PCDHA6: variants seen among roughly 807,000 people sequenced by gnomAD.
PCDHA6 encodes the protein protocadherin alpha-6.
PCDHA6 carries 55 observed loss-of-function variants against 60.3 expected under a neutral mutation model. That is an observed-to-expected ratio of 0.91 (90% confidence interval 0.73 to 1.14). The LOEUF (loss-of-function observed/expected upper bound fraction) is 1.14. PCDHA6 is among the 50% of genes most tolerant of loss of function. The probability of loss-of-function intolerance (pLI) is 0.00; values close to 1 mark genes in which losing one functional copy is unlikely to be tolerated. For missense variants in PCDHA6, 1,327 were observed against 1,256.5 expected (o/e 1.06, Z -0.85); for synonymous variants, 652 against 557.9 (o/e 1.17, Z -2.38).
chr5:140,852,974 G>T (rs1554146261), intron 1 of PCDHA6: 2 of 368,228 alleles, frequency 5.4e-6, no homozygotes, highest in East Asian at 1.6e-4. Context: ...CCCCTCCCGT[G>T]TTCACGCCAT....
At chr5:140,850,719 T>C in intron 1 of PCDHA6, 1 of 1,597,696 alleles carries the variant, frequency 6.3e-7, no homozygotes, top group Non-Finnish European at 8.6e-7. Flanking sequence ...GCTGGTGTGT[T>C]CTAGCGCGGT....
intron 1 of PCDHA6, chr5:140,876,810 C>T (rs782009058): frequency 1.9e-6 from 3 of 1,614,154 alleles, no homozygotes; most frequent in East Asian, 2.2e-5. Flanking sequence ...TGGAGGTGGC[C>T]GACGTGAACG....
chr5:140,877,419 G>A (rs1554169722), intron 1 of PCDHA6: 1 of 1,613,922 alleles, frequency 6.2e-7, no homozygotes, highest in Non-Finnish European at 8.5e-7. Context: ...GCCTGCTGGT[G>A]CTGGTGAAGG....
chr5:140,968,744 G>A (rs782484391), intron 1 of PCDHA6: 20 of 1,614,164 alleles, frequency 1.2e-5, no homozygotes, highest in East Asian at 2.2e-5. Context: ...CAACCTGACC[G>A]TGGTGGTCCG....
chr5:140,943,696 A>G (rs2093549628), intron 1 of PCDHA6, among the ~76,000 whole-genome samples: 1 of 152,256 alleles, frequency 6.6e-6, no homozygotes, highest in South Asian at 2.1e-4. Context: ...AGGTCAAAAT[A>G]TTGTGGAACA....
intron 1 of PCDHA6, chr5:140,863,686 T>G (rs1386583317): frequency 3.4e-6 from 1 of 295,212 alleles, no homozygotes; most frequent in Non-Finnish European, 6.6e-6. Flanking sequence ...CTTTTTCTTT[T>G]GAGATGCTTT....
At position 140,870,724 on chromosome 5, in the gene PCDHA6, G is replaced by T. The variant is rs140203389; in HGVS notation, c.2394+40239G>T. 8.1e-4 allele frequency: 1,312 copies of T among 1,613,160 alleles called. 10 individuals carry two copies. In the African/African-American group the frequency reaches 0.014, roughly 18 times the overall value. On this transcript the variant is annotated intron_variant, in intron 1 of 3. Coordinates refer to ENST00000529310, the MANE Select transcript of PCDHA6 (RefSeq NM_018909.4). ...CCAGGTGAGCGCGCGCGATGCGGGC[G>T]TGCCGCCTCTGAGCAGCAACGTGAC...
intron 1 of PCDHA6, among the ~76,000 whole-genome samples, chr5:140,934,122 TATTA>T (rs2153618298): frequency 6.6e-6 from 1 of 152,300 alleles, no homozygotes; most frequent in East Asian, 1.9e-4. Flanking sequence ...TTTCATACTT[TATTA>T]ATTTATTTCC....
At chr5:140,872,652 T>C (rs1185435042) in intron 1 of PCDHA6, among the ~76,000 whole-genome samples, 2 of 152,142 alleles carry the variant, frequency 1.3e-5, no homozygotes, top group Non-Finnish European at 2.9e-5. Context: ...AGGCAAGAGA[T>C]TTGTCAACTA....
intron 3 of PCDHA6, among the ~76,000 whole-genome samples, chr5:140,998,792 G>A (rs747824792): frequency 6.6e-6 from 1 of 152,156 alleles, no homozygotes; most frequent in Non-Finnish European, 1.5e-5. Flanking sequence ...TGGAACCCCT[G>A]ACCTCAGGTG....
chr5:140,843,274 G>A, intron 1 of PCDHA6: 6 of 1,596,094 alleles, frequency 3.8e-6, no homozygotes, highest in Non-Finnish European at 5.1e-6. Flanking sequence ...TGGTCCTGGT[G>A]AAGGATCATG....
chr5:140,947,778 G>A (rs2094175732), intron 1 of PCDHA6, among the ~76,000 whole-genome samples: 2 of 151,456 alleles, frequency 1.3e-5, no homozygotes, highest in South Asian at 4.1e-4. Context: ...TATTGTAAAT[G>A]GATTTTAAAC....
In PCDHA6 at chr5:140,993,233, G is replaced by A. The variant is rs143093605; in HGVS notation, c.2542+10670G>A. ...TTTAGCTTTTTGGTATGTTCTCTCT[G>A]AATCTGGGGATTTAGATATATAAAT... On this transcript the variant is annotated intron_variant, in intron 3 of 3. Coordinates refer to ENST00000529310, the MANE Select transcript of PCDHA6 (RefSeq NM_018909.4). Among the ~76,000 whole-genome samples the A allele has an allele frequency of 2.0e-5, 3 of 152,224 alleles. No individual in the cohort carries two copies. The East Asian group carries it at 5.8e-4, about 29-fold the overall frequency.
intron 1 of PCDHA6, chr5:140,869,142 A>G: frequency 6.2e-7 from 1 of 1,613,402 alleles, no homozygotes; most frequent in Non-Finnish European, 8.5e-7. Context: ...GCACCCCACG[A>G]CTACAGCTCT....
chr5:140,836,375 C>G lies in PCDHA6; in HGVS notation c.2394+5890C>G, dbSNP rs2150258961. 15 of 1,613,594 alleles carry G rather than the reference C, an allele frequency of 9.3e-6. No individual in the cohort carries two copies. In the African/African-American group the frequency reaches 1.2e-4, roughly 13 times the overall value. Reference sequence around the variant, plus strand: ...AGCCCTCGCTGACAGCCACAGCCACCGTGCTGGTGTCGCTGGTGGAAAGCG... The same window carrying G: ...AGCCCTCGCTGACAGCCACAGCCACGGTGCTGGTGTCGCTGGTGGAAAGCG... On this transcript the variant is annotated intron_variant, in intron 1 of 3. Coordinates refer to ENST00000529310, the MANE Select transcript of PCDHA6 (RefSeq NM_018909.4).
rs1202814862 is a variant in PCDHA6 at position 140,851,185 on chromosome 5, A to C, written c.2394+20700A>C. On this transcript the variant is annotated intron_variant, in intron 1 of 3. Transcript: ENST00000529310. ...ATGCTGCCATAACACTTGAAAACCA[A>C]TTTAGTTGTTAGTCATTCATTAAAC... The C allele has an allele frequency of 2.4e-6, 3 of 1,237,650 alleles. No individual in the cohort carries two copies. In the African/African-American group the frequency reaches 4.7e-5, roughly 19 times the overall value. The allele number at this position is 1,237,650 out of a possible 1,614,324, so 76.7% of individuals were successfully genotyped here.
chr5:140,869,484 C>G (rs782167038), intron 1 of PCDHA6: 2 of 1,613,948 alleles, frequency 1.2e-6, no homozygotes, highest in Non-Finnish European at 1.7e-6. Context: ...AGGACATTAA[C>G]GACAACCCGC....
intron 1 of PCDHA6, chr5:140,843,659 C>T (rs2150364623): frequency 2.5e-6 from 4 of 1,594,466 alleles, no homozygotes; most frequent in Admixed American, 1.7e-5. Flanking sequence ...TCCTCCTGAT[C>T]TGGGATCAGT....
intron 1 of PCDHA6, chr5:140,883,711 C>G: frequency 6.2e-7 from 1 of 1,613,576 alleles, no homozygotes; most frequent in Admixed American, 1.7e-5. Flanking sequence ...CTGCTCAGGA[C>G]GCGGACGCAC....
Sources: gnomAD v4.1 joint callset for allele counts (sites outside exome capture counted in the v4.1 genomes callset) on GRCh38, gnomAD v4.1.1 for gene constraint, MANE v1.5 for transcripts, NCBI Gene and HGNC (gene_info 2026-07-23, HGNC 2026-07-21) for gene names.